The following SNX17 variants were observed in gnomAD, a reference collection of about 807,000 sequenced individuals.
SNX17 encodes the protein sorting nexin-17.
In SNX17, 35 loss-of-function variants were observed where a neutral mutation model predicts 64.3. That is an observed-to-expected ratio of 0.54 (90% CI 0.42 to 0.72). The LOEUF (loss-of-function observed/expected upper bound fraction) is 0.72. Among genes scored for constraint, SNX17 ranks in the 30% least tolerant of loss-of-function variants. The pLI is 0.00. For synonymous variants in SNX17, 259 were observed against 230.2 expected, an observed-to-expected ratio of 1.13 and a Z score of -1.13; for missense variants, 538 against 610.0, an observed-to-expected ratio of 0.88 and a Z score of 1.24.
chr2:27,375,307 T>G lies in SNX17; in HGVS notation c.774+154T>G. Among the ~76,000 whole-genome samples the G allele has an allele frequency of 6.6e-6, 1 of 152,018 alleles. No individual in the cohort carries two copies. Among genetic ancestry groups the G allele is most frequent in the South Asian group, 2.1e-4 (1 of 4,826 alleles). ...GCACCCGCCACGACGCCCGGCTAAT[T>G]TTTTGTATTTTTGGGAGAGACAGGG... On this transcript the variant is annotated intron_variant, in intron 9 of 14. Coordinates refer to ENST00000233575, the MANE Select transcript of SNX17 (RefSeq NM_014748.4). The surrounding 1 kb of genome is among the most constrained non-coding windows in gnomAD (Gnocchi z 4.1).
chr2:27,374,110 C>T lies in SNX17; in HGVS notation c.458C>T (p.Pro153Leu). 6.2e-7 allele frequency: 1 copy of T among 1,614,210 alleles called. No individual in the cohort carries two copies. Residue 153 changes from proline (P) to leucine (L), a missense_variant, in exon 6 of 15, where the codon CCA (proline) becomes CTA (leucine). Physicochemically the swap from Pro to Leu is moderately conservative, Grantham distance 98 (BLOSUM62 -3). This residue lies in a region of SNX17 where 505 missense variants were observed against 550.4 expected (regional missense o/e 0.92). Transcript: ENST00000233575. ...LEAVAAKLDL[P>L]DDLIGYFSLF... Reference sequence around the variant, plus strand: ...GCTGTAGCTGCAAAGCTGGATCTTCCAGATGACTTGATTGGATACTTTAGT... The same window carrying T: ...GCTGTAGCTGCAAAGCTGGATCTTCTAGATGACTTGATTGGATACTTTAGT...
Position 27,377,285 on chromosome 2 carries a change from G to C in SNX17, c.*566G>C, listed in dbSNP as rs1683347479. On this transcript the variant is annotated 3_prime_UTR_variant, in exon 15 of 15. Transcript: ENST00000233575. This position sits in a 1 kb window ranked among gnomAD's most constrained non-coding sequence, Gnocchi z 4.4. Reference sequence around the variant, plus strand: ...AGCACTGAAATAAGTTAAATAAACAGGTGGGAGGCTGGGCAGTCCCCCAGC... The same window carrying C: ...AGCACTGAAATAAGTTAAATAAACACGTGGGAGGCTGGGCAGTCCCCCAGC... The C allele has an allele frequency of 1.6e-6, 1 of 630,682 alleles. No homozygotes were observed. Among genetic ancestry groups the C allele is most frequent in the Non-Finnish European group, 2.8e-6 (1 of 351,968 alleles). The allele number at this position is 630,682 out of a possible 1,614,324, so 39.1% of individuals were successfully genotyped here.
In SNX17 at chr2:27,375,327, A is replaced by C. The variant is rs1683073157; in HGVS notation, c.774+174A>C. Among the ~76,000 whole-genome samples the C allele has an allele frequency of 6.6e-6, 1 of 152,104 alleles. No homozygotes were observed. The highest frequency in any genetic ancestry group is 1.5e-5 in the Non-Finnish European group (1 of 68,008). On this transcript the variant is annotated intron_variant, in intron 9 of 14. Transcript: ENST00000233575. The surrounding 1 kb of genome is among the most constrained non-coding windows in gnomAD (Gnocchi z 4.1). ...CTAATTTTTTGTATTTTTGGGAGAG[A>C]CAGGGTTTCACCATGTTAGCCAGGA... is the stretch of plus-strand genomic sequence containing the variant.
intron 8 of SNX17, 131 bp downstream of exon 8, chr2:27,374,889 G>A (rs1479017538): frequency 3.3e-5 from 33 of 991,382 alleles, no homozygotes; most frequent in Non-Finnish European, 2.8e-5. Context: ...CAGTGCTGCT[G>A]GCACAATATC....
intron 3 of SNX17, 84 bp from the exon 4 acceptor site, chr2:27,373,163 G>C: frequency 1.2e-6 from 2 of 1,609,158 alleles, no homozygotes; most frequent in Non-Finnish European, 1.7e-6. Context: ...CAGGAAATGG[G>C]GTCGGGGGAA....
chr2:27,372,686 A>C lies in SNX17; in HGVS notation c.202A>C (p.Thr68Pro). The change falls in exon 3 of 15, where the codon ACT becomes CCT. Residue 68 changes from threonine (T) to proline (P), a missense_variant. Physicochemically the swap from Thr to Pro is conservative, Grantham distance 38 (BLOSUM62 -1). This residue lies in a region of SNX17 where 505 missense variants were observed against 550.4 expected (regional missense o/e 0.92). Transcript: ENST00000233575. ...CCCCCCAAAGAAGCTTTTCTCTCTG[A>C]CTCCTGCTGAGGTAGAACAGAGGAG... is the stretch of plus-strand genomic sequence containing the variant. ...AFPPKKLFSLTPAEVEQRREQ... is the reference protein window; with the variant it reads ...AFPPKKLFSLPPAEVEQRREQ... The C allele has an allele frequency of 6.2e-7, 1 of 1,614,084 alleles. No homozygotes were observed. The highest frequency in any genetic ancestry group is 8.5e-7 in the Non-Finnish European group (1 of 1,180,016).
Position 27,376,756 on chromosome 2 carries a change from G to T in SNX17, c.*37G>T, listed in dbSNP as rs376705964. On this transcript the variant is annotated 3_prime_UTR_variant, in exon 15 of 15. Transcript: ENST00000233575. ...TGGATGTCTGCCCTCTACCCCAGAG[G>T]AATTTACAGAAACTTGCCCTGTGCC... 1 of 1,569,252 alleles carries T rather than the reference G, an allele frequency of 6.4e-7. No individual in the cohort carries two copies. The highest frequency in any genetic ancestry group is 8.8e-7 in the Non-Finnish European group (1 of 1,141,696).
rs760036170 is a variant in SNX17 at position 27,375,605 on chromosome 2, G to T, written c.874G>T (p.Ala292Ser). The change falls in exon 10 of 15, where the codon GCG (alanine) becomes TCG (serine). Residue 292 changes from alanine to serine, a missense_variant. By Grantham distance (99) the Ala-to-Ser change is moderately conservative. Transcript: ENST00000233575. The surrounding 1 kb of genome is among the most constrained non-coding windows in gnomAD (Gnocchi z 4.1). ...AAAGGACTGTCCTGTGGTGGTGAGC[G>T]CGGGCAACAGTGAGCTCAGCCTGCA... Reference protein sequence around the residue: ...PEKDCPVVVSAGNSELSLQLR... With the variant: ...PEKDCPVVVSSGNSELSLQLR... The T allele has an allele frequency of 6.2e-7, 1 of 1,614,066 alleles. No individual in the cohort carries two copies.
chr2:27,375,909 C>A lies in SNX17; in HGVS notation c.1042C>A (p.Leu348Met). 6.2e-7 allele frequency: 1 copy of A among 1,614,196 alleles called. No homozygotes were observed. The highest frequency in any genetic ancestry group is 8.5e-7 in the Non-Finnish European group (1 of 1,180,038). The stretch of plus-strand genomic sequence containing the variant: ...GGGCCGGGGTGAGGTGCGCCTGGAA[C>A]TGGCTTTTGAATACCTCATGAGCAA... ...GRGRGEVRLE[L>M]AFEYLMSKDR... The change falls in exon 11 of 15, where the codon CTG (leucine) becomes ATG (methionine). Residue 348 changes from leucine (L) to methionine (M), a missense_variant. Leu to Met is a conservative substitution (Grantham distance 15, BLOSUM62 2). Transcript: ENST00000233575. The surrounding 1 kb of genome is among the most constrained non-coding windows in gnomAD (Gnocchi z 4.1).
At chr2:27,374,033 A>G in intron 5 of SNX17, 52 bp from the exon 6 acceptor site, 2 of 1,609,358 alleles carry the variant, frequency 1.2e-6, no homozygotes, top group Non-Finnish European at 1.7e-6. Flanking sequence ...GGGCTTGGAG[A>G]ATGATTGGAA....
Position 27,375,765 on chromosome 2 carries a change from C to T in SNX17, c.978+56C>T. On this transcript the variant is annotated intron_variant, in intron 10 of 14. Transcript: ENST00000233575. The surrounding 1 kb of genome is among the most constrained non-coding windows in gnomAD (Gnocchi z 4.1). ...GGTTGGGGGCCCGGCAAGCCTTGAG[C>T]TTAGGTATGGGCTGCAGCGGGTCAG... 1 of 1,611,296 alleles carries T rather than the reference C, an allele frequency of 6.2e-7. No homozygotes were observed.
rs1683107861 is a variant in SNX17, at chr2:27,375,510, T to G, written c.779T>G (p.Leu260Arg). 1 of 1,614,002 alleles carries G rather than the reference T, an allele frequency of 6.2e-7. No homozygotes were observed. The highest frequency in any genetic ancestry group is 8.5e-7 in the Non-Finnish European group (1 of 1,180,042). The change falls in exon 10 of 15, where the codon CTG (leucine) becomes CGG (arginine). Residue 260 changes from leucine to arginine, a missense_variant. Coordinates refer to ENST00000233575, the MANE Select transcript of SNX17 (RefSeq NM_014748.4). This position sits in a 1 kb window ranked among gnomAD's most constrained non-coding sequence, Gnocchi z 4.1. ...CATGTGATGACCATTTTTCAGTTCC[T>G]GAGACTGGCCCAGACGCTGCGGCAC... ...LQEKVSKKEF[L>R]RLAQTLRHYG...
chr2:27,376,511 C>G lies in SNX17; in HGVS notation c.1290C>G (p.Val430=), dbSNP rs1216724979. 9.9e-6 allele frequency: 16 copies of G among 1,614,062 alleles called. No homozygotes were observed. The highest frequency in any genetic ancestry group is 2.2e-5 in the East Asian group (1 of 44,888). Reference sequence around the variant, plus strand: ...CTGATGCCACCCGGGAGTCTATGGTCAAACTCTCAGTGAGTTCCAGCGTTG... The same window carrying G: ...CTGATGCCACCCGGGAGTCTATGGTGAAACTCTCAGTGAGTTCCAGCGTTG... The part of the protein sequence containing the change: ...ESPDATRESM[V]KLSSKLSAVS... Residue 430 remains valine (V), a synonymous_variant, in exon 14 of 15, where the codon GTC becomes GTG. Transcript: ENST00000233575.
rs11557230 is a variant in SNX17, at chr2:27,370,677, G to T, written c.-67G>T. The T allele has an allele frequency of 4.0e-6, 6 of 1,494,826 alleles. No homozygotes were observed. The highest frequency in any genetic ancestry group is 5.4e-6 in the Non-Finnish European group (6 of 1,116,302). The allele number at this position is 1,494,826 out of a possible 1,614,324, so 92.6% of individuals were successfully genotyped here. On this transcript the variant is annotated 5_prime_UTR_variant, in exon 1 of 15. In the 5' UTR this introduces an upstream ATG that the reference lacks. Transcript: ENST00000233575. ...CTGCGGGGACTCGCTGAGCAGCGGA[G>T]GGGGAGCGTGCAGAGCCGCTGCGGC...
intron 3 of SNX17, 67 bp downstream of exon 3, chr2:27,372,807 G>A: frequency 1.3e-6 from 2 of 1,592,064 alleles, no homozygotes; most frequent in Non-Finnish European, 1.7e-6. Flanking sequence ...AAAACAGCTG[G>A]TTCTGTGGAA....
Position 27,375,803 on chromosome 2 carries a change from G to A in SNX17, c.979-43G>A, listed in dbSNP as rs1261121356. The A allele has an allele frequency of 1.2e-6, 2 of 1,611,032 alleles. No homozygotes were observed. The highest frequency in any genetic ancestry group is 3.3e-5 in the Admixed American group (2 of 59,968). On this transcript the variant is annotated intron_variant, in intron 10 of 14. Coordinates refer to ENST00000233575, the MANE Select transcript of SNX17 (RefSeq NM_014748.4). The surrounding 1 kb of genome is among the most constrained non-coding windows in gnomAD (Gnocchi z 4.1). ...TGCAGCGGGTCAGGGAGCCAGACAG[G>A]TTGGTCAGAGTGAACTCAACCGAAT... is the stretch of plus-strand genomic sequence containing the variant.
Position 27,375,640 on chromosome 2 carries a change from G to T in SNX17, c.909G>T (p.Leu303=), listed in dbSNP as rs758421262. 1.2e-6 allele frequency: 2 copies of T among 1,614,214 alleles called. No homozygotes were observed. Among genetic ancestry groups the T allele is most frequent in the Middle Eastern group, 1.6e-4 (1 of 6,062 alleles). ...GTGAGCTCAGCCTGCAGCTCCGCCT[G>T]CCTGGCCAGCAACTCCGAGAAGGCT... ...GNSELSLQLR[L]PGQQLREGSF... The change falls in exon 10 of 15, where the codon CTG becomes CTT. Residue 303 remains leucine, a synonymous_variant. Transcript: ENST00000233575. The surrounding 1 kb of genome is among the most constrained non-coding windows in gnomAD (Gnocchi z 4.1).
At position 27,376,789 on chromosome 2, in the gene SNX17, C is replaced by T. The variant is rs747098022; in HGVS notation, c.*70C>T. On this transcript the variant is annotated 3_prime_UTR_variant, in exon 15 of 15. Coordinates refer to ENST00000233575, the MANE Select transcript of SNX17 (RefSeq NM_014748.4). ...AGAAACTTGCCCTGTGCCTGTGTCC[C>T]CCATGCTAGGGGCGGAGGGGTCTTT... 3 of 1,347,124 alleles carry T rather than the reference C, an allele frequency of 2.2e-6. No homozygotes were observed. In the African/African-American group the frequency reaches 4.3e-5, roughly 19 times the overall value. The allele number at this position is 1,347,124 out of a possible 1,614,324, so 83.4% of individuals were successfully genotyped here. A position where few individuals can be genotyped will look rare whatever the true frequency, so the allele number is the denominator to read the frequency against.
chr2:27,371,264 C>T lies in SNX17; in HGVS notation c.64-5C>T. On this transcript the variant is annotated splice_polypyrimidine_tract_variant and splice_region_variant and intron_variant, in intron 1 of 14. Coordinates refer to ENST00000233575, the MANE Select transcript of SNX17 (RefSeq NM_014748.4). ...TAAAATGCTTGACTACTTTTGTGTC[C>T]TCAGGCCTATAACATTCACGTGAAT... 1 of 1,613,350 alleles carries T rather than the reference C, an allele frequency of 6.2e-7. No individual in the cohort carries two copies. Among genetic ancestry groups the T allele is most frequent in the South Asian group, 1.1e-5 (1 of 91,086 alleles).
Sources: gnomAD v4.1 joint callset for allele counts (sites outside exome capture counted in the v4.1 genomes callset) on GRCh38, gnomAD v4.1.1 for gene constraint, gnomAD v4.1.1 regional missense constraint, Gnocchi (gnomAD v3.1) non-coding constraint, MANE v1.5 for transcripts, NCBI Gene and HGNC (gene_info 2026-07-23, HGNC 2026-07-21) for gene names.